The following CPPED1 variants were observed in gnomAD, a reference collection of about 807,000 sequenced individuals.
CPPED1 encodes serine/threonine-protein phosphatase CPPED1.
In CPPED1, 28 loss-of-function variants were observed where a neutral mutation model predicts 28.0. That is an observed-to-expected ratio of 1.00 (90% CI 0.74 to 1.37). The LOEUF is 1.37. Ranked by LOEUF, CPPED1 falls within the 40% of genes most tolerant of loss-of-function variation. The pLI is 0.00. For synonymous variants in CPPED1, 198 were observed against 180.2 expected (o/e 1.10, Z -0.79); for missense variants, 504 against 416.5 (o/e 1.21, Z -1.83).
chr16:12,712,135 G>A (rs929151190), intron 2 of CPPED1, among the ~76,000 whole-genome samples: 3 of 152,222 alleles, frequency 2.0e-5, no homozygotes, highest in Admixed American at 6.5e-5. Context: ...GGCCACACCT[G>A]TCCTGCAGAC....
intron 1 of CPPED1, among the ~76,000 whole-genome samples, chr16:12,782,544 C>CG (rs1371930015): frequency 3.0e-5 from 3 of 100,994 alleles, no homozygotes; most frequent in Non-Finnish European, 4.0e-5. Context: ...CACCTTGAGG[C>CG]TGTTTTTTTT....
rs140618767 is a variant in CPPED1, at chr16:12,763,629, G to T, written c.289+17556C>A. Among the ~76,000 whole-genome samples, 1,002 of 152,264 alleles carry T rather than the reference G, an allele frequency of 6.6e-3. 10 individuals carry two copies. The highest frequency in any genetic ancestry group is 0.022 in the African/African-American group (928 of 41,550). On this transcript the variant is annotated intron_variant, in intron 2 of 3. Coordinates refer to ENST00000381774, the MANE Select transcript of CPPED1 (RefSeq NM_018340.3). ...GTACCATTATTATCTGCATTTTACA[G>T]ATAAGGAAATTCAGCTACAGAGAGA...
chr16:12,742,584 A>G (rs1223909465), intron 2 of CPPED1, among the ~76,000 whole-genome samples: 2 of 152,008 alleles, frequency 1.3e-5, no homozygotes, highest in Non-Finnish European at 2.9e-5. Flanking sequence ...TATGGTGATC[A>G]ATGACCATTT....
In CPPED1 at chr16:12,781,175, C is replaced by A. The variant is rs773489288; in HGVS notation, c.289+10G>T. ...GGAGAAAAGGTCACAAGCGATGACC[C>A]GAGTCTTACCTGGCATGGCGTGGAT... is the stretch of plus-strand genomic sequence containing the variant. On this transcript the variant is annotated intron_variant, in intron 2 of 3. Transcript: ENST00000381774. 1.9e-6 allele frequency: 3 copies of A among 1,608,352 alleles called. No individual in the cohort carries two copies. Among genetic ancestry groups the A allele is most frequent in the South Asian group, 1.1e-5 (1 of 90,264 alleles).
intron 1 of CPPED1, among the ~76,000 whole-genome samples, chr16:12,789,208 C>A (rs149417224): frequency 1.1e-3 from 166 of 151,982 alleles, no homozygotes; most frequent in African/African-American, 3.6e-3. Flanking sequence ...TTTGTGCTCT[C>A]AAATTTGCCA....
intron 2 of CPPED1, among the ~76,000 whole-genome samples, chr16:12,752,189 C>G (rs1036363541): frequency 6.6e-6 from 1 of 152,060 alleles, no homozygotes; most frequent in Non-Finnish European, 1.5e-5. Context: ...TAAAAAGGCT[C>G]CTGCTTTCTT....
intron 3 of CPPED1, among the ~76,000 whole-genome samples, chr16:12,689,217 C>CT (rs869107040): frequency 0.32 from 26,511 of 83,498 alleles, 5,199 homozygotes; most frequent in African/African-American, 0.56. Flanking sequence ...GAAAAGAGGG[C>CT]TTTTTTTTTT....
At position 12,740,129 on chromosome 16, in the gene CPPED1, A is replaced by T. The variant is rs2080247078; in HGVS notation, c.290-35080T>A. Among the ~76,000 whole-genome samples, 3 of 149,214 alleles carry T rather than the reference A, an allele frequency of 2.0e-5. No homozygotes were observed. In the South Asian group the frequency reaches 6.2e-4, roughly 31 times the overall value. On this transcript the variant is annotated intron_variant, in intron 2 of 3. Transcript: ENST00000381774. The stretch of plus-strand genomic sequence containing the variant: ...AGGAAAGGAAAGAAAGGAAAGAAAG[A>T]GCGAGCCAGCCCTGCTTTATTTAAG...
intron 1 of CPPED1, among the ~76,000 whole-genome samples, chr16:12,782,045 G>A (rs1405201077): frequency 6.6e-6 from 1 of 152,138 alleles, no homozygotes; most frequent in Non-Finnish European, 1.5e-5. Flanking sequence ...CGTGAGGTGT[G>A]AGGCTGGGGG....
At chr16:12,764,990 T>C (rs1412821369) in intron 2 of CPPED1, among the ~76,000 whole-genome samples, 1 of 152,098 alleles carries the variant, frequency 6.6e-6, no homozygotes, top group African/African-American at 2.4e-5. Flanking sequence ...AACAGAAGAG[T>C]GTCACGCTGT....
At chr16:12,768,118 T>C (rs1319801929) in intron 2 of CPPED1, among the ~76,000 whole-genome samples, 1 of 152,254 alleles carries the variant, frequency 6.6e-6, no homozygotes, top group Admixed American at 6.5e-5. Flanking sequence ...AACCTCTCTC[T>C]GGCTGAACCT....
Position 12,743,937 on chromosome 16 carries a change from A to G in CPPED1, c.289+37248T>C, listed in dbSNP as rs1032724512. ...GGAGGTTCACGTGAGCCAGGGCGAC[A>G]GAGCAAGACCCTGTCTCAAACAACA... is the stretch of plus-strand genomic sequence containing the variant. On this transcript the variant is annotated intron_variant, in intron 2 of 3. Transcript: ENST00000381774. 2.0e-5 allele frequency among the ~76,000 whole-genome samples: 3 copies of G among 152,208 alleles called. No homozygotes were observed. In the East Asian group the frequency reaches 5.8e-4, roughly 29 times the overall value.
chr16:12,710,893 T>C (rs2080076579), intron 2 of CPPED1, among the ~76,000 whole-genome samples: 1 of 152,140 alleles, frequency 6.6e-6, no homozygotes, highest in Non-Finnish European at 1.5e-5. Context: ...TTGATGGGAA[T>C]GAAAAATGGT....
At chr16:12,669,642 T>C (rs965585790) in intron 3 of CPPED1, among the ~76,000 whole-genome samples, 9 of 152,210 alleles carry the variant, frequency 5.9e-5, no homozygotes, top group African/African-American at 1.2e-4. Flanking sequence ...GATGTGTATA[T>C]ACATAGGCCA....
intron 3 of CPPED1, among the ~76,000 whole-genome samples, chr16:12,695,690 CTGTTCAAACTG>C (rs1264585834): frequency 6.6e-6 from 1 of 152,230 alleles, no homozygotes; most frequent in Non-Finnish European, 1.5e-5. Context: ...AGGCAGTCAA[CTGTTCAAACTG>C]TGTTCAAATA....
intron 1 of CPPED1, among the ~76,000 whole-genome samples, chr16:12,802,309 C>A (rs1228214792): frequency 1.3e-5 from 2 of 152,080 alleles, no homozygotes; most frequent in Non-Finnish European, 2.9e-5. Context: ...CATTAAAATA[C>A]AGTCGTCCCA....
At chr16:12,720,472 A>G (rs972715270) in intron 2 of CPPED1, 25 of 153,036 alleles carry the variant, frequency 1.6e-4, no homozygotes, top group African/African-American at 6.0e-4. Context: ...TGATATTAAC[A>G]AAGTGTTTTA....
intron 2 of CPPED1, among the ~76,000 whole-genome samples, chr16:12,771,961 A>T (rs2080472625): frequency 6.6e-6 from 1 of 152,094 alleles, no homozygotes; most frequent in South Asian, 2.1e-4. Context: ...TGTCTCTACT[A>T]AAAATACAAA....
At chr16:12,776,424 G>T (rs2080498207) in intron 2 of CPPED1, among the ~76,000 whole-genome samples, 1 of 152,092 alleles carries the variant, frequency 6.6e-6, no homozygotes, top group African/African-American at 2.4e-5. Flanking sequence ...GTTTTGCTGT[G>T]GTCTCACTCA....
Sources: allele counts gnomAD v4.1 joint callset (sites outside exome capture counted in the v4.1 genomes callset), GRCh38; gene constraint gnomAD v4.1.1; transcripts MANE v1.5; gene names NCBI Gene and HGNC (gene_info 2026-07-23, HGNC 2026-07-21).